Variants in HDAC4 observed in about 807,000 individuals in gnomAD.
HDAC4 encodes histone deacetylase 4, also known as histone deacetylase A.
In HDAC4, 16 loss-of-function variants were observed where a neutral mutation model predicts 135.1. The observed-to-expected ratio is 0.12, with a 90% CI of 0.08 to 0.18. HDAC4 has a LOEUF of 0.18. HDAC4 is among the 10% of genes least tolerant of loss of function. The pLI, the probability that HDAC4 is intolerant of heterozygous loss-of-function variation, is 1.00. For synonymous variants in HDAC4, 685 were observed against 653.4 expected (o/e 1.05, Z -0.74); for missense variants, 1,143 against 1,511.8 (o/e 0.76, Z 4.05).
intron 2 of HDAC4, among the ~76,000 whole-genome samples, chr2:239,335,678 C>T (rs900826241): frequency 1.3e-5 from 2 of 152,170 alleles, no homozygotes; most frequent in Non-Finnish European, 2.9e-5. Flanking sequence ...ATAGAAACTT[C>T]TCCACCAAAG....
intron 2 of HDAC4, among the ~76,000 whole-genome samples, chr2:239,351,189 G>A (rs572440516): frequency 3.3e-5 from 5 of 152,348 alleles, no homozygotes; most frequent in African/African-American, 1.2e-4. Flanking sequence ...TTGTCTAGTA[G>A]TGATACTTAG....
In HDAC4 at chr2:239,303,496, C is replaced by T. The variant is rs900392020; in HGVS notation, c.22+49182G>A. On this transcript the variant is annotated intron_variant, in intron 2 of 26. Coordinates refer to ENST00000543185, the MANE Select transcript of HDAC4 (RefSeq NM_001378414.1). The surrounding 1 kb of genome is among the most constrained non-coding windows in gnomAD (Gnocchi z 5.1). ...AACAAGACACGGCAGCGTGCTTCCT[C>T]GATCTCCCCGCTCCTTTCTCGGGAC... Among the ~76,000 whole-genome samples the T allele has an allele frequency of 2.0e-5, 3 of 152,076 alleles. No homozygotes were observed. The highest frequency in any genetic ancestry group is 2.9e-5 in the Non-Finnish European group (2 of 68,014).
At chr2:239,263,148 C>A (rs1447297216) in intron 2 of HDAC4, among the ~76,000 whole-genome samples, 2 of 152,180 alleles carry the variant, frequency 1.3e-5, no homozygotes, top group African/African-American at 4.8e-5. Context: ...AAACACTACC[C>A]TCCTTCATGT....
rs772880833 is a variant in HDAC4, at chr2:239,313,059, G to A, written c.22+39619C>T. Among the ~76,000 whole-genome samples the A allele has an allele frequency of 6.6e-6, 1 of 152,150 alleles. No homozygotes were observed. The highest frequency in any genetic ancestry group is 1.5e-5 in the Non-Finnish European group (1 of 68,030). Reference sequence around the variant, plus strand: ...AGTCAAGGTGGCCAGCCTGGGGCAGGGTGTTCCCCCAGCCAGGGAGCTTCA... The same window carrying A: ...AGTCAAGGTGGCCAGCCTGGGGCAGAGTGTTCCCCCAGCCAGGGAGCTTCA... On this transcript the variant is annotated intron_variant, in intron 2 of 26. Coordinates refer to ENST00000543185, the MANE Select transcript of HDAC4 (RefSeq NM_001378414.1). This position sits in a 1 kb window ranked among gnomAD's most constrained non-coding sequence, Gnocchi z 5.1.
At chr2:239,286,280 T>C (rs369887192) in intron 2 of HDAC4, among the ~76,000 whole-genome samples, 2 of 151,956 alleles carry the variant, frequency 1.3e-5, no homozygotes, top group Admixed American at 1.3e-4. Flanking sequence ...ATTGATGCAT[T>C]TTAAAAAAAA....
At chr2:239,064,132 C>A (rs1029572765) in intron 24 of HDAC4, among the ~76,000 whole-genome samples, 1 of 152,256 alleles carries the variant, frequency 6.6e-6, no homozygotes, top group South Asian at 2.1e-4. Flanking sequence ...CGCGCACCGC[C>A]CTGGCTTCCC....
chr2:239,259,142 CT>C (rs1181913811), intron 2 of HDAC4, among the ~76,000 whole-genome samples: 4 of 152,176 alleles, frequency 2.6e-5, no homozygotes, highest in Admixed American at 2.0e-4. Flanking sequence ...CAAAAAAGAA[CT>C]AGGAAAACCT....
At chr2:239,084,460 C>CAT (rs2035674142) in intron 19 of HDAC4, among the ~76,000 whole-genome samples, 1 of 74,070 alleles carries the variant, frequency 1.4e-5, no homozygotes, top group Non-Finnish European at 3.2e-5. Flanking sequence ...CACACGCGTG[C>CAT]GCGCGCACAC....
In HDAC4 at chr2:239,059,027, T is replaced by C. The variant is rs74000635; in HGVS notation, c.3004-4194A>G. ...CTTCCTTTTCTTACCACAGTGCAAT[T>C]TGTTAGAAATTGATAGCAAAAAGAG... On this transcript the variant is annotated intron_variant, in intron 24 of 26. Transcript: ENST00000543185. Among the ~76,000 whole-genome samples the C allele has an allele frequency of 2.4e-3, 366 of 152,284 alleles. 1 individual carries two copies. Among genetic ancestry groups the C allele is most frequent in the African/African-American group, 8.5e-3 (355 of 41,526 alleles).
In HDAC4 at chr2:239,285,578, G is replaced by A. The variant is rs184308467; in HGVS notation, c.23-48914C>T. ...TGAGAGAAAGCTGGCCAAAGGTTGG[G>A]CTTTTGAAGTACTAGAAACTTCCTC... On this transcript the variant is annotated intron_variant, in intron 2 of 26. Coordinates refer to ENST00000543185, the MANE Select transcript of HDAC4 (RefSeq NM_001378414.1). The surrounding 1 kb of genome is among the most constrained non-coding windows in gnomAD (Gnocchi z 4.5). Among the ~76,000 whole-genome samples, 51 of 152,314 alleles carry A rather than the reference G, an allele frequency of 3.3e-4. No homozygotes were observed. The highest frequency in any genetic ancestry group is 9.6e-4 in the African/African-American group (40 of 41,562).
At chr2:239,328,769 C>G (rs191918238) in intron 2 of HDAC4, among the ~76,000 whole-genome samples, 30 of 152,334 alleles carry the variant, frequency 2.0e-4, no homozygotes, top group African/African-American at 7.0e-4. Context: ...CCCGCTGGCC[C>G]TCTTTATCTC....
chr2:239,059,207 C>T (rs2032310990), intron 24 of HDAC4, among the ~76,000 whole-genome samples: 1 of 152,168 alleles, frequency 6.6e-6, no homozygotes, highest in Non-Finnish European at 1.5e-5. Flanking sequence ...ATGTTGGAGC[C>T]ATTTACAGCC....
At chr2:239,180,867 C>T (rs1311192697) in intron 4 of HDAC4, among the ~76,000 whole-genome samples, 4 of 152,354 alleles carry the variant, frequency 2.6e-5, no homozygotes, top group Non-Finnish European at 4.4e-5. Flanking sequence ...GCCTCCAGGA[C>T]GGAGACCACA....
chr2:239,335,478 G>C (rs1460927720), intron 2 of HDAC4, among the ~76,000 whole-genome samples: 1 of 130,758 alleles, frequency 7.6e-6, no homozygotes, highest in African/African-American at 3.0e-5. Flanking sequence ...CTATTAAATT[G>C]GACTATTAAA....
chr2:239,187,071 C>CT (rs2044600544), intron 4 of HDAC4: 1 of 152,734 alleles, frequency 6.5e-6, no homozygotes, highest in Admixed American at 6.5e-5. Flanking sequence ...ACGGCAAGGA[C>CT]TGCAGGGCTC....
At chr2:239,318,485 T>C (rs2053194141) in intron 2 of HDAC4, among the ~76,000 whole-genome samples, 1 of 152,208 alleles carries the variant, frequency 6.6e-6, no homozygotes, top group Non-Finnish European at 1.5e-5. Flanking sequence ...TGTCATCTGC[T>C]GTTGATAACG....
intron 3 of HDAC4, among the ~76,000 whole-genome samples, chr2:239,228,521 T>C (rs1303858272): frequency 6.6e-6 from 1 of 152,112 alleles, no homozygotes; most frequent in Non-Finnish European, 1.5e-5. Context: ...TTACTGCTCA[T>C]GGGAGTTCAC....
chr2:239,236,557 G>A (rs920849975), intron 3 of HDAC4, 36 bp downstream of exon 3: 2 of 1,525,390 alleles, frequency 1.3e-6, no homozygotes, highest in African/African-American at 1.4e-5. Flanking sequence ...GCTCAGCGCA[G>A]GGCCGGCCGG....
intron 24 of HDAC4, among the ~76,000 whole-genome samples, chr2:239,055,735 G>GATGA (rs2031734171): frequency 6.7e-6 from 1 of 150,058 alleles, no homozygotes; most frequent in African/African-American, 2.5e-5. Flanking sequence ...AAAAAAAAAG[G>GATGA]TTGAAATGGA....
Sources: allele counts gnomAD v4.1 joint callset (sites outside exome capture counted in the v4.1 genomes callset), GRCh38; gene constraint gnomAD v4.1.1; non-coding constraint Gnocchi (gnomAD v3.1); transcripts MANE v1.5; gene names NCBI Gene and HGNC (gene_info 2026-07-23, HGNC 2026-07-21).